The following TTYH3 variants were observed in gnomAD, a reference collection of about 807,000 sequenced individuals.
The protein encoded by TTYH3 is tweety family member 3.
In TTYH3, 23 loss-of-function variants were observed where a neutral mutation model predicts 68.2. The ratio of observed to expected loss-of-function variants is 0.34; its 90% CI spans 0.24 to 0.48. The LOEUF is 0.48. Among genes scored for constraint, TTYH3 ranks in the 20% least tolerant of loss-of-function variants. TTYH3 has a pLI of 0.99. For synonymous variants in TTYH3, 360 were observed against 332.8 expected (o/e 1.08, Z -0.89); for missense variants, 768 against 727.7 (o/e 1.06, Z -0.64).
intron 1 of TTYH3, among the ~76,000 whole-genome samples, chr7:2,640,412 A>C (rs1276736872): frequency 1.4e-5 from 2 of 140,608 alleles, no homozygotes; most frequent in African/African-American, 2.6e-5. Flanking sequence ...GTGGGGGGGG[A>C]CGTGTGTTCC....
At chr7:2,642,123 G>A (rs931503928) in intron 1 of TTYH3, among the ~76,000 whole-genome samples, 3 of 152,236 alleles carry the variant, frequency 2.0e-5, no homozygotes, top group African/African-American at 7.2e-5. Flanking sequence ...TCAGCCAATC[G>A]CGGTGCTCAC....
chr7:2,660,195 C>T (rs1189745213), intron 13 of TTYH3: 10 of 985,476 alleles, frequency 1.0e-5, no homozygotes, highest in Non-Finnish European at 1.2e-5. Flanking sequence ...ACGGCTCAGC[C>T]AGAGACTTCT....
chr7:2,649,103 G>C lies in TTYH3; in HGVS notation c.723-464G>C, dbSNP rs535178862. Among the ~76,000 whole-genome samples, 49 of 152,222 alleles carry C rather than the reference G, an allele frequency of 3.2e-4. No homozygotes were observed. In the East Asian group the frequency reaches 9.5e-3, roughly 29 times the overall value. On this transcript the variant is annotated intron_variant, in intron 5 of 13. Transcript: ENST00000258796. Reference sequence around the variant, plus strand: ...ATCAAAGGGAGCCAGATGTGGGTGAGGTGAGGCCTCAGATGAGGGAGAGGC... The same window carrying C: ...ATCAAAGGGAGCCAGATGTGGGTGACGTGAGGCCTCAGATGAGGGAGAGGC...
rs1194621213 is a variant in TTYH3, at chr7:2,664,414, CTTTGT to C, written c.*2681_*2685del. ...GGGACCAGGGCCTCTCCTGTGGGAT[CTTTGT>C]TTTGTGTTTAACCATAATGGTTGTG... is the stretch of plus-strand genomic sequence containing the variant. On this transcript the variant is annotated 3_prime_UTR_variant, in exon 14 of 14. Coordinates refer to ENST00000258796, the MANE Select transcript of TTYH3 (RefSeq NM_025250.3). The C allele has an allele frequency of 1.3e-5, 2 of 152,430 alleles. No homozygotes were observed. The highest frequency in any genetic ancestry group is 1.9e-4 in the East Asian group (1 of 5,328). The allele number at this position is 152,430 out of a possible 1,614,324, so 9.4% of individuals were successfully genotyped here.
At chr7:2,650,111 C>T in intron 7 of TTYH3, 123 bp downstream of exon 7, 1 of 947,906 alleles carries the variant, frequency 1.1e-6, no homozygotes, top group African/African-American at 1.6e-5. Flanking sequence ...GGAGACAGGT[C>T]CCAGGCCAAG....
intron 1 of TTYH3, among the ~76,000 whole-genome samples, chr7:2,635,427 C>T (rs1785631666): frequency 6.6e-6 from 1 of 152,194 alleles, no homozygotes; most frequent in Admixed American, 6.5e-5. Context: ...CCTTTGTGAC[C>T]CCGTGTCCTC....
At chr7:2,658,678 A>C (rs1321376282) in intron 12 of TTYH3, among the ~76,000 whole-genome samples, 1 of 151,888 alleles carries the variant, frequency 6.6e-6, no homozygotes, top group Non-Finnish European at 1.5e-5. Flanking sequence ...GGGCACAAGG[A>C]CTCTGTGGCC....
intron 4 of TTYH3, 137 bp downstream of exon 4, chr7:2,647,775 G>T: frequency 9.1e-7 from 1 of 1,094,344 alleles, no homozygotes; most frequent in Non-Finnish European, 1.3e-6. Flanking sequence ...GTCACAGGCA[G>T]TGGCTGGAGT....
intron 1 of TTYH3, among the ~76,000 whole-genome samples, chr7:2,640,986 C>T (rs1303100296): frequency 6.6e-6 from 1 of 152,214 alleles, no homozygotes; most frequent in African/African-American, 2.4e-5. Flanking sequence ...ATCCTGGGGA[C>T]ATCCTGGAGG....
At chr7:2,642,737 T>A (rs1198781222) in intron 1 of TTYH3, among the ~76,000 whole-genome samples, 6 of 148,996 alleles carry the variant, frequency 4.0e-5, no homozygotes, top group African/African-American at 1.2e-4. Context: ...CTAAAATAAT[T>A]TTTTTCTTTT....
Position 2,642,588 on chromosome 7 carries a change from C to A in TTYH3, c.124-4265C>A, listed in dbSNP as rs1183032193. Among the ~76,000 whole-genome samples, 12 of 148,436 alleles carry A rather than the reference C, an allele frequency of 8.1e-5. 1 individual carries two copies. In the East Asian group the frequency reaches 1.4e-3, roughly 17 times the overall value. Reference sequence around the variant, plus strand: ...AGAAAGAAAAAGAAAATTAGCCAGGCGTGGTGATATGTGCCTGTGGTCCAA... The same window carrying A: ...AGAAAGAAAAAGAAAATTAGCCAGGAGTGGTGATATGTGCCTGTGGTCCAA... On this transcript the variant is annotated intron_variant, in intron 1 of 13. Transcript: ENST00000258796.
intron 8 of TTYH3, 119 bp from the exon 9 acceptor site, chr7:2,652,799 A>G (rs972886075): frequency 1.3e-6 from 1 of 778,048 alleles, no homozygotes; most frequent in African/African-American, 1.7e-5. Flanking sequence ...TGCAGAGCAG[A>G]GCCTTGATGG....
intron 1 of TTYH3, among the ~76,000 whole-genome samples, chr7:2,646,545 T>G (rs929666390): frequency 1.1e-4 from 17 of 152,152 alleles, no homozygotes; most frequent in Non-Finnish European, 2.1e-4. Context: ...GTGCCCTTGC[T>G]GGAGCCACAG....
intron 13 of TTYH3, among the ~76,000 whole-genome samples, chr7:2,659,571 C>T (rs1026098591): frequency 6.6e-6 from 1 of 152,218 alleles, no homozygotes; most frequent in African/African-American, 2.4e-5. Context: ...TTTGACTTCC[C>T]GCGTAAGACA....
intron 5 of TTYH3, 79 bp from the exon 6 acceptor site, chr7:2,649,487 TG>T (rs1786099699): frequency 7.1e-7 from 1 of 1,408,092 alleles, no homozygotes; most frequent in Non-Finnish European, 9.7e-7. Context: ...CACTGGGACC[TG>T]CCTTCTGGCC....
chr7:2,635,277 G>A (rs1173537120), intron 1 of TTYH3, among the ~76,000 whole-genome samples: 1 of 152,202 alleles, frequency 6.6e-6, no homozygotes, highest in Non-Finnish European at 1.5e-5. Flanking sequence ...GGCCCTTGAG[G>A]GCAGCAGAGC....
intron 9 of TTYH3, among the ~76,000 whole-genome samples, chr7:2,655,823 T>G (rs1384581617): frequency 1.3e-5 from 2 of 152,188 alleles, no homozygotes; most frequent in Admixed American, 6.5e-5. Context: ...AGGTCTGTCT[T>G]CACGTAGTGG....
intron 11 of TTYH3, among the ~76,000 whole-genome samples, chr7:2,657,672 G>A (rs1786375711): frequency 6.6e-6 from 1 of 152,218 alleles, no homozygotes; most frequent in South Asian, 2.1e-4. Flanking sequence ...GACACAGCTG[G>A]AGTGTCGAGT....
In TTYH3 at chr7:2,663,316, T is replaced by A. The variant is rs1004290146; in HGVS notation, c.*1577T>A. On this transcript the variant is annotated 3_prime_UTR_variant, in exon 14 of 14. Coordinates refer to ENST00000258796, the MANE Select transcript of TTYH3 (RefSeq NM_025250.3). ...CCTCCCAGAGCAGCCGGCAGCTACCTGGACCGGAAATGTCCTCATCCCCTC... is the reference window on the plus strand; with the variant it reads ...CCTCCCAGAGCAGCCGGCAGCTACCAGGACCGGAAATGTCCTCATCCCCTC... 1 of 152,900 alleles carries A rather than the reference T, an allele frequency of 6.5e-6. No individual in the cohort carries two copies. The highest frequency in any genetic ancestry group is 1.5e-5 in the Non-Finnish European group (1 of 68,200). The allele number at this position is 152,900 out of a possible 1,614,324, so 9.5% of individuals were successfully genotyped here.
Sources: gnomAD v4.1 joint callset for allele counts (sites outside exome capture counted in the v4.1 genomes callset) on GRCh38, gnomAD v4.1.1 for gene constraint, MANE v1.5 for transcripts, NCBI Gene and HGNC (gene_info 2026-07-23, HGNC 2026-07-21) for gene names.